XIRP2: variants seen among roughly 807,000 people sequenced by gnomAD.
XIRP2 encodes the protein xin actin binding repeat containing 2, also known as xin actin-binding repeat-containing protein 2.
XIRP2 carries 236 observed loss-of-function variants against 277.0 expected under a neutral mutation model. The observed-to-expected ratio is 0.85, with a 90% CI of 0.77 to 0.95. The LOEUF is 0.95. Ranked by LOEUF, XIRP2 falls within the 40% of genes least tolerant of loss-of-function variation. The probability of loss-of-function intolerance (pLI) is 0.00; values close to 1 mark genes in which losing one functional copy is unlikely to be tolerated. For synonymous variants in XIRP2, 1,490 were observed against 1,416.5 expected (o/e 1.05, Z -1.17); for missense variants, 4,640 against 4,157.5 (o/e 1.12, Z -3.19).
intron 2 of XIRP2, among the ~76,000 whole-genome samples, chr2:166,962,377 C>T (rs887712596): frequency 2.6e-5 from 4 of 151,574 alleles, no homozygotes; most frequent in Non-Finnish European, 5.9e-5. Context: ...ATGGCCCATA[C>T]AGCAGCTTAC....
intron 10 of XIRP2, among the ~76,000 whole-genome samples, chr2:167,255,608 C>T (rs1695634460): frequency 1.3e-5 from 2 of 151,818 alleles, no homozygotes; most frequent in Admixed American, 1.3e-4. Flanking sequence ...TCTGCCCTCC[C>T]CATTTTATAA....
At chr2:167,019,967 C>T (rs946952175) in intron 2 of XIRP2, among the ~76,000 whole-genome samples, 2 of 151,928 alleles carry the variant, frequency 1.3e-5, no homozygotes, top group Admixed American at 6.6e-5. Flanking sequence ...TTCTGATTTC[C>T]AGCAAGGTTA....
At chr2:167,079,518 T>G (rs2105260194) in intron 2 of XIRP2, among the ~76,000 whole-genome samples, 1 of 152,264 alleles carries the variant, frequency 6.6e-6, no homozygotes, top group East Asian at 1.9e-4. Flanking sequence ...GTTTTAGAAC[T>G]TAAGATTGAT....
Position 167,115,552 on chromosome 2 carries a change from G to A in XIRP2, c.409-20357G>A, listed in dbSNP as rs138911463. Reference sequence around the variant, plus strand: ...GGCTTTTTTCTTCTTTGATGCTGTTGGGGGTTTGATTACAGTATAAGGTGA... The same window carrying A: ...GGCTTTTTTCTTCTTTGATGCTGTTAGGGGTTTGATTACAGTATAAGGTGA... On this transcript the variant is annotated intron_variant, in intron 2 of 10. Coordinates refer to ENST00000409195, the MANE Select transcript of XIRP2 (RefSeq NM_152381.6). Among the ~76,000 whole-genome samples, 204 of 152,190 alleles carry A rather than the reference G, an allele frequency of 1.3e-3. 1 individual carries two copies. The highest frequency in any genetic ancestry group is 4.6e-3 in the African/African-American group (193 of 41,522).
chr2:167,015,683 C>G (rs903680513), intron 2 of XIRP2, among the ~76,000 whole-genome samples: 2 of 151,534 alleles, frequency 1.3e-5, no homozygotes, highest in East Asian at 2.0e-4. Flanking sequence ...AATATATCAA[C>G]AAGAAATGGA....
At chr2:166,907,435 G>A (rs1220206518) in intron 2 of XIRP2, among the ~76,000 whole-genome samples, 1 of 152,090 alleles carries the variant, frequency 6.6e-6, no homozygotes, top group Non-Finnish European at 1.5e-5. Flanking sequence ...TTGTTTAGAA[G>A]TCTCTGATGA....
intron 4 of XIRP2, among the ~76,000 whole-genome samples, chr2:167,213,781 G>A (rs1694131721): frequency 6.6e-6 from 1 of 152,110 alleles, no homozygotes; most frequent in East Asian, 1.9e-4. Flanking sequence ...TCTCACATGT[G>A]TAAACTTTCA....
At chr2:166,972,680 C>T (rs1686612862) in intron 2 of XIRP2, among the ~76,000 whole-genome samples, 1 of 152,136 alleles carries the variant, frequency 6.6e-6, no homozygotes, top group Admixed American at 6.5e-5. Flanking sequence ...TATTTGATGA[C>T]AGACTGCATA....
intron 2 of XIRP2, among the ~76,000 whole-genome samples, chr2:166,957,782 A>G (rs749776036): frequency 5.9e-5 from 9 of 151,818 alleles, no homozygotes; most frequent in African/African-American, 9.7e-5. Context: ...ATTTAGGTTC[A>G]CTTCAGGCGT....
At chr2:166,954,342 G>T (rs1043632375) in intron 2 of XIRP2, among the ~76,000 whole-genome samples, 8 of 151,878 alleles carry the variant, frequency 5.3e-5, no homozygotes, top group African/African-American at 1.9e-4. Flanking sequence ...AATCATTAGA[G>T]AAATGCAAAC....
At chr2:167,079,853 G>C (rs1372410628) in intron 2 of XIRP2, among the ~76,000 whole-genome samples, 1 of 151,562 alleles carries the variant, frequency 6.6e-6, no homozygotes, top group Non-Finnish European at 1.5e-5. Flanking sequence ...CTCTGATTTG[G>C]GTTATATCTT....
At chr2:167,081,060 AG>A (rs1356443012) in intron 2 of XIRP2, among the ~76,000 whole-genome samples, 1 of 152,138 alleles carries the variant, frequency 6.6e-6, no homozygotes, top group African/African-American at 2.4e-5. Flanking sequence ...AATTTATGCA[AG>A]GGGTAATATT....
At position 167,213,711 on chromosome 2, in the gene XIRP2, G is replaced by A. The variant is rs76348016; in HGVS notation, c.723+2816G>A. ...AAAGTCACAGGAACGGTCCCCACCT[G>A]AGCAAGGAAGCATTACTCCCGGTTA... On this transcript the variant is annotated intron_variant, in intron 4 of 10. Transcript: ENST00000409195. 4.1e-3 allele frequency among the ~76,000 whole-genome samples: 628 copies of A among 152,264 alleles called. 22 individuals carry two copies. The East Asian group carries it at 0.067, about 16-fold the overall frequency.
chr2:166,979,503 C>T (rs1272536551), intron 2 of XIRP2, among the ~76,000 whole-genome samples: 1 of 150,298 alleles, frequency 6.7e-6, no homozygotes, highest in Non-Finnish European at 1.5e-5. Flanking sequence ...AAGTAAGATG[C>T]TAAGAGTAGG....
At chr2:167,173,377 C>T (rs566537905) in intron 3 of XIRP2, among the ~76,000 whole-genome samples, 63 of 152,202 alleles carry the variant, frequency 4.1e-4, no homozygotes, top group African/African-American at 5.8e-4. Flanking sequence ...TGAGAACATG[C>T]GGAGTTTGTC....
At chr2:166,901,571 C>G (rs1299379006) in intron 1 of XIRP2, among the ~76,000 whole-genome samples, 1 of 152,030 alleles carries the variant, frequency 6.6e-6, no homozygotes, top group African/African-American at 2.4e-5. Flanking sequence ...GTGGTTGGCT[C>G]CAAAACAATT....
At chr2:166,972,607 A>G (rs1686609814) in intron 2 of XIRP2, among the ~76,000 whole-genome samples, 1 of 152,196 alleles carries the variant, frequency 6.6e-6, no homozygotes, top group African/African-American at 2.4e-5. Flanking sequence ...AGTTTTATTA[A>G]GAACAAACAC....
At chr2:166,997,310 A>G (rs543943777) in intron 2 of XIRP2, among the ~76,000 whole-genome samples, 1 of 152,310 alleles carries the variant, frequency 6.6e-6, no homozygotes, top group Non-Finnish European at 1.5e-5. Context: ...TGTTTACACA[A>G]AAATCCTCAG....
chr2:167,063,527 A>C (rs1269102356), intron 2 of XIRP2, among the ~76,000 whole-genome samples: 4 of 151,876 alleles, frequency 2.6e-5, no homozygotes, highest in Non-Finnish European at 5.9e-5. Flanking sequence ...TTGCAGGATT[A>C]TTTCTGTTTG....
Sources: gnomAD v4.1 joint callset for allele counts (sites outside exome capture counted in the v4.1 genomes callset) on GRCh38, gnomAD v4.1.1 for gene constraint, MANE v1.5 for transcripts, NCBI Gene and HGNC (gene_info 2026-07-23, HGNC 2026-07-21) for gene names.